The following TBL1X variants were observed in gnomAD, a reference collection of about 807,000 sequenced individuals.
The protein encoded by TBL1X is F-box-like/WD repeat-containing protein TBL1X.
In TBL1X, 10 loss-of-function variants were observed where a neutral mutation model predicts 50.7. That is an observed-to-expected ratio of 0.20 (90% CI 0.12 to 0.33). The LOEUF is 0.33. TBL1X is among the 10% of genes least tolerant of loss of function. The pLI, the probability that TBL1X is intolerant of heterozygous loss-of-function variation, is 1.00. For missense variants in TBL1X, 340 were observed against 504.4 expected (o/e 0.67, Z 3.12); for synonymous variants, 190 against 214.7 (o/e 0.88, Z 1.01).
At chrX:9,541,332 G>A (rs1210495894) in intron 2 of TBL1X, among the ~76,000 whole-genome samples, 1 of 106,979 alleles carries the variant, frequency 9.3e-6, no homozygotes, top group Non-Finnish European at 1.9e-5. Flanking sequence ...AAAAAAAAAG[G>A]TATCTGCCTT....
At chrX:9,566,364 A>G (rs2082351463) in intron 2 of TBL1X, among the ~76,000 whole-genome samples, 1 of 112,241 alleles carries the variant, frequency 8.9e-6, no homozygotes, top group African/African-American at 3.2e-5. Flanking sequence ...GTCATTGAAT[A>G]AACCTCAATA....
intron 2 of TBL1X, among the ~76,000 whole-genome samples, chrX:9,604,141 A>G (rs1601788436): frequency 9.0e-6 from 1 of 111,321 alleles, no homozygotes; most frequent in Non-Finnish European, 1.9e-5. Context: ...CCTTCTCCCA[A>G]TTCCCCTGGT....
At chrX:9,572,803 T>TG (rs1322336161) in intron 2 of TBL1X, among the ~76,000 whole-genome samples, 4 of 112,716 alleles carry the variant, frequency 3.5e-5, no homozygotes, top group Non-Finnish European at 7.5e-5. Flanking sequence ...TTGCAGGTGT[T>TG]GTGGAGAGAG....
At chrX:9,571,516 A>G (rs2082386418) in intron 2 of TBL1X, among the ~76,000 whole-genome samples, 1 of 111,720 alleles carries the variant, frequency 9.0e-6, no homozygotes, top group African/African-American at 3.3e-5. Context: ...AGAAAAGACG[A>G]CCTGAAAGAT....
chrX:9,602,704 C>T, intron 2 of TBL1X, among the ~76,000 whole-genome samples: 1 of 112,210 alleles, frequency 8.9e-6, no homozygotes, highest in East Asian at 2.8e-4. Flanking sequence ...GAAGAGTTGA[C>T]TAAAATTTCT....
chrX:9,714,275 G>A (rs2083265335), intron 16 of TBL1X, among the ~76,000 whole-genome samples: 2 of 112,264 alleles, frequency 1.8e-5, no homozygotes, highest in Admixed American at 1.9e-4. Context: ...TTAATGTCAT[G>A]GCATATTATT....
intron 2 of TBL1X, among the ~76,000 whole-genome samples, chrX:9,515,183 G>C (rs138829185): frequency 2.6e-4 from 29 of 111,820 alleles, no homozygotes; most frequent in African/African-American, 9.4e-4. Flanking sequence ...CACTTCCTAA[G>C]TTCCTATAGT....
chrX:9,511,146 A>C (rs1204588285), intron 2 of TBL1X, among the ~76,000 whole-genome samples: 1 of 112,479 alleles, frequency 8.9e-6, no homozygotes, highest in Non-Finnish European at 1.9e-5. Context: ...GGATTTGGTA[A>C]GTGAAGTCCT....
chrX:9,655,615 A>G (rs1428210545), intron 5 of TBL1X, among the ~76,000 whole-genome samples: 1 of 111,162 alleles, frequency 9.0e-6, no homozygotes, highest in African/African-American at 3.3e-5. Context: ...TGGGATTTTA[A>G]GTTGGGTTTT....
intron 2 of TBL1X, among the ~76,000 whole-genome samples, chrX:9,505,000 C>CT (rs2082019121): frequency 9.0e-6 from 1 of 111,476 alleles, no homozygotes; most frequent in African/African-American, 3.3e-5. Context: ...AACCCCAAGA[C>CT]ACATAATCAT....
At chrX:9,506,344 G>A (rs2082025689) in intron 2 of TBL1X, among the ~76,000 whole-genome samples, 1 of 111,500 alleles carries the variant, frequency 9.0e-6, no homozygotes, top group African/African-American at 3.3e-5. Context: ...ACATCAGAAA[G>A]CTAAAAAGAT....
chrX:9,592,849 C>A (rs776643245), intron 2 of TBL1X, among the ~76,000 whole-genome samples: 6 of 112,476 alleles, frequency 5.3e-5, no homozygotes, highest in East Asian at 2.8e-4. Flanking sequence ...GGGTCACTCA[C>A]ACGCACACAC....
At chrX:9,472,939 C>T (rs1452771205) in intron 1 of TBL1X, among the ~76,000 whole-genome samples, 1 of 110,345 alleles carries the variant, frequency 9.1e-6, no homozygotes, top group Non-Finnish European at 1.9e-5. Flanking sequence ...ATTTTAAGAA[C>T]TGGAGGAAAA....
At chrX:9,660,477 C>T (rs1487016329) in intron 5 of TBL1X, among the ~76,000 whole-genome samples, 3 of 112,292 alleles carry the variant, frequency 2.7e-5, no homozygotes, top group African/African-American at 9.7e-5. Flanking sequence ...CTCACACACG[C>T]TGAATTCCCA....
chrX:9,495,500 G>A (rs1294943698), intron 1 of TBL1X, among the ~76,000 whole-genome samples: 2 of 110,890 alleles, frequency 1.8e-5, no homozygotes, highest in Non-Finnish European at 3.8e-5. Flanking sequence ...CTGTAAAGTC[G>A]CTGAGACTTT....
chrX:9,687,923 A>G, intron 6 of TBL1X, 94 bp from the exon 7 acceptor site: 1 of 1,127,247 alleles, frequency 8.9e-7, no homozygotes, highest in Non-Finnish European at 1.2e-6. Flanking sequence ...TTTACGCCCC[A>G]CTTCCCTGCG....
At chrX:9,691,121 A>G (rs916373907) in intron 7 of TBL1X, among the ~76,000 whole-genome samples, 1 of 112,012 alleles carries the variant, frequency 8.9e-6, no homozygotes, top group African/African-American at 3.2e-5. Flanking sequence ...AAATTGCACT[A>G]AAGCCACGAT....
At chrX:9,494,483 CCATGGTGACAGGTGTTGCCTTTAAA>C (rs1390697184) in intron 1 of TBL1X, among the ~76,000 whole-genome samples, 1 of 111,826 alleles carries the variant, frequency 8.9e-6, no homozygotes, top group African/African-American at 3.3e-5. Context: ...TAAGCTTGAA[CCATGGTGACAGGTGTTGCCTTTAAA>C]CATGGTGACA....
chrX:9,591,443 C>G (rs1377941088), intron 2 of TBL1X, among the ~76,000 whole-genome samples: 1 of 112,526 alleles, frequency 8.9e-6, no homozygotes, highest in Non-Finnish European at 1.9e-5. Context: ...CTCTTGCTTA[C>G]TTAATACTGT....
Sources: allele counts gnomAD v4.1 joint callset (sites outside exome capture counted in the v4.1 genomes callset), GRCh38; gene constraint gnomAD v4.1.1; transcripts MANE v1.5; gene names NCBI Gene and HGNC (gene_info 2026-07-23, HGNC 2026-07-21).